Variants in ITGBL1 observed in about 807,000 individuals in gnomAD.
ITGBL1 encodes integrin beta-like protein 1.
ITGBL1 carries 51 observed loss-of-function variants against 68.5 expected under a neutral mutation model. That is an observed-to-expected ratio of 0.74 (90% CI 0.59 to 0.94). ITGBL1 has a LOEUF of 0.94. ITGBL1 is among the 40% of genes least tolerant of loss of function. The pLI is 0.00. For synonymous variants in ITGBL1, 209 were observed against 227.3 expected, an observed-to-expected ratio of 0.92 and a Z score of 0.72; for missense variants, 649 against 647.4, an observed-to-expected ratio of 1.00 and a Z score of -0.03.
chr13:101,590,725 T>C lies in ITGBL1; in HGVS notation c.868+7369T>C, dbSNP rs545456620. Among the ~76,000 whole-genome samples, 4 of 152,274 alleles carry C rather than the reference T, an allele frequency of 2.6e-5. No homozygotes were observed. In the East Asian group the frequency reaches 7.7e-4, roughly 29 times the overall value. On this transcript the variant is annotated intron_variant, in intron 6 of 10. Transcript: ENST00000376180. ...GATCTGTCGCTGAAATAAAACCACT[T>C]GTCTCCAAGAATTTCAAAGCCATTG... is the stretch of plus-strand genomic sequence containing the variant.
At chr13:101,605,515 CAT>C (rs1566754000) in intron 7 of ITGBL1, among the ~76,000 whole-genome samples, 3 of 53,430 alleles carry the variant, frequency 5.6e-5, no homozygotes, top group Non-Finnish European at 1.1e-4. Context: ...TGCGTATACA[CAT>C]ATAGACATAT....
At chr13:101,575,696 G>GT (rs2050347792) in intron 4 of ITGBL1, 150 bp downstream of exon 4, 2 of 786,706 alleles carry the variant, frequency 2.5e-6, no homozygotes, top group East Asian at 5.3e-5. Flanking sequence ...CATAAGGAGA[G>GT]TGAGACTATG....
chr13:101,706,678 A>G lies in ITGBL1; in HGVS notation c.1133-78A>G, dbSNP rs979057248. On this transcript the variant is annotated intron_variant, in intron 8 of 10. Transcript: ENST00000376180. The stretch of plus-strand genomic sequence containing the variant: ...TGGGAAATGAGATCCTATGGTTTAC[A>G]CATTTCTTTCTTAAAACTCTCTGCT... The G allele has an allele frequency of 2.2e-5, 31 of 1,417,382 alleles. No individual in the cohort carries two copies. In the African/African-American group the frequency reaches 4.4e-4, roughly 20 times the overall value. The allele number at this position is 1,417,382 out of a possible 1,614,324, so 87.8% of individuals were successfully genotyped here. A position where few individuals can be genotyped will look rare whatever the true frequency, so the allele number is the denominator to read the frequency against.
At chr13:101,631,910 C>T (rs1354337559) in intron 7 of ITGBL1, among the ~76,000 whole-genome samples, 1 of 151,928 alleles carries the variant, frequency 6.6e-6, no homozygotes, top group African/African-American at 2.4e-5. Flanking sequence ...CTCTTCCACA[C>T]AGTATATACA....
chr13:101,616,927 G>A (rs759061382), intron 7 of ITGBL1, among the ~76,000 whole-genome samples: 1 of 152,176 alleles, frequency 6.6e-6, no homozygotes, highest in Non-Finnish European at 1.5e-5. Flanking sequence ...GGATGGTTAG[G>A]TATCAGACAA....
intron 7 of ITGBL1, among the ~76,000 whole-genome samples, chr13:101,666,359 C>G (rs914711757): frequency 1.3e-5 from 2 of 152,086 alleles, no homozygotes; most frequent in African/African-American, 4.8e-5. Context: ...TGGGACCGCA[C>G]TGGTTTATCC....
chr13:101,496,870 G>A (rs994527669), intron 2 of ITGBL1, among the ~76,000 whole-genome samples: 2 of 152,200 alleles, frequency 1.3e-5, no homozygotes, highest in Non-Finnish European at 2.9e-5. Context: ...GAATAAAGGT[G>A]TCCTTAAAAA....
chr13:101,643,032 G>A (rs1273895812), intron 7 of ITGBL1, among the ~76,000 whole-genome samples: 1 of 147,424 alleles, frequency 6.8e-6, no homozygotes, highest in Non-Finnish European at 1.5e-5. Context: ...GCTTAGGATT[G>A]ACTTGGCGAT....
intron 2 of ITGBL1, among the ~76,000 whole-genome samples, chr13:101,543,320 T>A (rs2139191913): frequency 6.6e-6 from 1 of 152,302 alleles, no homozygotes; most frequent in South Asian, 2.1e-4. Context: ...CTTATAAAGC[T>A]TAGTTTGGCT....
chr13:101,585,879 T>C (rs913857502), intron 6 of ITGBL1, among the ~76,000 whole-genome samples: 2 of 152,190 alleles, frequency 1.3e-5, no homozygotes, highest in Admixed American at 6.5e-5. Flanking sequence ...GGGTATTCAC[T>C]CTCTTGTGAA....
At chr13:101,628,626 G>C (rs1435924916) in intron 7 of ITGBL1, among the ~76,000 whole-genome samples, 1 of 147,112 alleles carries the variant, frequency 6.8e-6, no homozygotes, top group Non-Finnish European at 1.5e-5. Flanking sequence ...ATTTTTAGTA[G>C]AGACTGTGTT....
chr13:101,519,650 C>T (rs1428546324), intron 2 of ITGBL1, among the ~76,000 whole-genome samples: 1 of 152,066 alleles, frequency 6.6e-6, no homozygotes. Flanking sequence ...TTCTTAAATG[C>T]AAACAGTAAA....
chr13:101,540,554 A>G (rs969440560), intron 2 of ITGBL1, among the ~76,000 whole-genome samples: 4 of 152,180 alleles, frequency 2.6e-5, no homozygotes, highest in African/African-American at 9.7e-5. Flanking sequence ...TTGGTTCCAT[A>G]TGAACTTTAA....
chr13:101,705,308 A>AAAC (rs1404318403), intron 8 of ITGBL1, among the ~76,000 whole-genome samples: 1 of 111,408 alleles, frequency 9.0e-6, no homozygotes, highest in Non-Finnish European at 1.8e-5. Flanking sequence ...AAAAAAAAAA[A>AAAC]ACAACAACAA....
intron 3 of ITGBL1, among the ~76,000 whole-genome samples, chr13:101,573,746 G>A (rs1265674609): frequency 6.6e-6 from 1 of 152,138 alleles, no homozygotes; most frequent in African/African-American, 2.4e-5. Flanking sequence ...TCGGAATTCA[G>A]CTACAGCTCT....
At chr13:101,559,204 C>G (rs753585904) in intron 2 of ITGBL1, among the ~76,000 whole-genome samples, 3 of 152,100 alleles carry the variant, frequency 2.0e-5, no homozygotes, top group African/African-American at 4.8e-5. Context: ...AAGATCTGAT[C>G]ACAATTAATT....
At chr13:101,569,272 T>G (rs1204843824) in intron 3 of ITGBL1, among the ~76,000 whole-genome samples, 2 of 152,008 alleles carry the variant, frequency 1.3e-5, no homozygotes, top group African/African-American at 4.8e-5. Flanking sequence ...AATTTAGGGT[T>G]TTTTTTTAGA....
At chr13:101,684,040 T>C (rs2033700745) in intron 7 of ITGBL1, among the ~76,000 whole-genome samples, 1 of 152,076 alleles carries the variant, frequency 6.6e-6, no homozygotes, top group Non-Finnish European at 1.5e-5. Context: ...TATTTTCTAA[T>C]GTACTAGAGC....
intron 2 of ITGBL1, among the ~76,000 whole-genome samples, chr13:101,526,036 A>G (rs1333076561): frequency 6.6e-6 from 1 of 152,086 alleles, no homozygotes; most frequent in Non-Finnish European, 1.5e-5. Flanking sequence ...CTTCACATCA[A>G]GAAGTCTGTT....
Sources: gnomAD v4.1 joint callset for allele counts (sites outside exome capture counted in the v4.1 genomes callset) on GRCh38, gnomAD v4.1.1 for gene constraint, MANE v1.5 for transcripts, NCBI Gene and HGNC (gene_info 2026-07-23, HGNC 2026-07-21) for gene names.